Variants in CLASP1 observed in about 807,000 individuals in gnomAD.
CLASP1 encodes CLIP-associating protein 1.
In CLASP1, 38 loss-of-function variants were observed where a neutral mutation model predicts 192.3. The ratio of observed to expected loss-of-function variants is 0.20; its 90% confidence interval spans 0.15 to 0.26. The LOEUF (loss-of-function observed/expected upper bound fraction) is 0.26. CLASP1 is among the 10% of genes least tolerant of loss of function. The pLI, the probability that CLASP1 is intolerant of heterozygous loss-of-function variation, is 1.00. For missense variants in CLASP1, 1,433 were observed against 1,932.5 expected (o/e 0.74, Z 4.85); for synonymous variants, 691 against 712.8 (o/e 0.97, Z 0.49).
chr2:121,460,709 A>G (rs1425777485), intron 11 of CLASP1, among the ~76,000 whole-genome samples: 1 of 152,162 alleles, frequency 6.6e-6, no homozygotes, highest in Non-Finnish European at 1.5e-5. Context: ...TACTTTTAAA[A>G]ATAAAGGAGA....
At chr2:121,480,553 C>T (rs145883179) in intron 8 of CLASP1, among the ~76,000 whole-genome samples, 35 of 152,306 alleles carry the variant, frequency 2.3e-4, no homozygotes, top group Non-Finnish European at 3.5e-4. Flanking sequence ...AGAGCTGTAA[C>T]GTCACAGGCC....
intron 1 of CLASP1, among the ~76,000 whole-genome samples, chr2:121,617,125 C>CA (rs1392389252): frequency 6.6e-6 from 1 of 152,188 alleles, no homozygotes; most frequent in Non-Finnish European, 1.5e-5. Flanking sequence ...GGGGCAGCCC[C>CA]AGCTTTCATT....
intron 24 of CLASP1, among the ~76,000 whole-genome samples, chr2:121,409,796 G>C (rs749729678): frequency 3.3e-5 from 5 of 152,134 alleles, no homozygotes; most frequent in Non-Finnish European, 7.3e-5. Context: ...TAAAGCCATG[G>C]TTAGAGCAGT....
At chr2:121,502,202 A>G (rs541100922) in intron 8 of CLASP1, among the ~76,000 whole-genome samples, 2 of 152,336 alleles carry the variant, frequency 1.3e-5, no homozygotes, top group East Asian at 3.9e-4. Flanking sequence ...TATTTATTCA[A>G]CAATACTTAC....
chr2:121,438,182 T>A (rs1357258912), intron 19 of CLASP1, among the ~76,000 whole-genome samples: 1 of 152,210 alleles, frequency 6.6e-6, no homozygotes, highest in Non-Finnish European at 1.5e-5. Context: ...TACAGAAGTT[T>A]AATGTTTGTT....
intron 9 of CLASP1, among the ~76,000 whole-genome samples, chr2:121,464,480 T>TATTTCTCCAC (rs1474638433): frequency 6.6e-6 from 1 of 152,160 alleles, no homozygotes. Flanking sequence ...AAAGTGTTCC[T>TATTTCTCCAC]ATTTCTCCAC....
chr2:121,638,911 C>T (rs1424345152), intron 1 of CLASP1, among the ~76,000 whole-genome samples: 1 of 152,140 alleles, frequency 6.6e-6, no homozygotes, highest in African/African-American at 2.4e-5. Flanking sequence ...TCAGGTGATC[C>T]ACCCGCCTTG....
chr2:121,472,386 G>A lies in CLASP1; in HGVS notation c.713-2426C>T, dbSNP rs527746380. ...AACTACGTGCAGGCACCGGACAACG[G>A]GCAGTTCAGAACTTGGCTGTTCAGC... On this transcript the variant is annotated intron_variant, in intron 8 of 39. Coordinates refer to ENST00000263710, the Ensembl canonical transcript of CLASP1. Among the ~76,000 whole-genome samples the A allele has an allele frequency of 7.6e-4, 115 of 152,198 alleles. 2 individuals carry two copies. In the East Asian group the frequency reaches 0.021, roughly 27 times the overall value.
chr2:121,605,252 G>C (rs2064284007), intron 2 of CLASP1, among the ~76,000 whole-genome samples: 1 of 151,738 alleles, frequency 6.6e-6, no homozygotes, highest in African/African-American at 2.4e-5. Flanking sequence ...CAGGTACCTG[G>C]GCCAGCTTCA....
intron 1 of CLASP1, among the ~76,000 whole-genome samples, chr2:121,619,879 G>A (rs143256361): frequency 6.6e-6 from 1 of 152,096 alleles, no homozygotes; most frequent in Non-Finnish European, 1.5e-5. Flanking sequence ...GAAGCTTGGT[G>A]ATGGGCATTC....
At position 121,360,425 on chromosome 2, in the gene CLASP1, AATG is replaced by A. The variant is rs567073378; in HGVS notation, c.4206+2744_4206+2746del. On this transcript the variant is annotated intron_variant, in intron 37 of 39. Transcript: ENST00000263710. Reference sequence around the variant, plus strand: ...GTTTGGAGTCATAAGAATTGAATGCAATGATAAGAAAATGGAAGGACTAGAGAA... The same window carrying A: ...GTTTGGAGTCATAAGAATTGAATGCAATAAGAAAATGGAAGGACTAGAGAA... Among the ~76,000 whole-genome samples, 227 of 152,298 alleles carry A rather than the reference AATG, an allele frequency of 1.5e-3. 1 individual carries two copies. Among genetic ancestry groups the A allele is most frequent in the African/African-American group, 4.9e-3 (202 of 41,564 alleles).
In CLASP1 at chr2:121,578,066, G is replaced by A. The variant is rs369251169; in HGVS notation, c.195+27635C>T. Among the ~76,000 whole-genome samples, 85 of 152,110 alleles carry A rather than the reference G, an allele frequency of 5.6e-4. No individual in the cohort carries two copies. The South Asian group carries it at 0.017, about 30-fold the overall frequency. On this transcript the variant is annotated intron_variant, in intron 2 of 39. Coordinates refer to ENST00000263710, the Ensembl canonical transcript of CLASP1. The stretch of plus-strand genomic sequence containing the variant: ...TCCCACCCCAACCTCCTGAGTAACT[G>A]GAGTTATGGGCACCTGCCACCACGT...
intron 19 of CLASP1, among the ~76,000 whole-genome samples, chr2:121,440,253 T>C (rs1456014128): frequency 6.6e-6 from 1 of 152,182 alleles, no homozygotes; most frequent in Non-Finnish European, 1.5e-5. Flanking sequence ...TAAACTCAGA[T>C]ATATATTTAT....
intron 1 of CLASP1, among the ~76,000 whole-genome samples, chr2:121,633,038 T>C (rs1480290861): frequency 8.3e-6 from 1 of 120,644 alleles, no homozygotes; most frequent in Non-Finnish European, 1.6e-5. Flanking sequence ...AGGCTTTTTT[T>C]CATGAATATA....
chr2:121,344,291 A>G (rs924940789), intron 39 of CLASP1, among the ~76,000 whole-genome samples: 1 of 152,136 alleles, frequency 6.6e-6, no homozygotes, highest in South Asian at 2.1e-4. Flanking sequence ...CTCTTCGTAC[A>G]GAAGATATCT....
chr2:121,409,582 C>G (rs2077395943), intron 24 of CLASP1, among the ~76,000 whole-genome samples: 1 of 152,212 alleles, frequency 6.6e-6, no homozygotes, highest in Non-Finnish European at 1.5e-5. Context: ...GAACTTTACA[C>G]ACAGTCCCTT....
At chr2:121,444,511 A>T (rs1369945359) in intron 19 of CLASP1, among the ~76,000 whole-genome samples, 1 of 152,226 alleles carries the variant, frequency 6.6e-6, no homozygotes, top group African/African-American at 2.4e-5. Flanking sequence ...ATTGAAATTT[A>T]CTTTCAAAAC....
Position 121,649,354 on chromosome 2 carries a change from C to T in CLASP1, c.-286+18G>A, listed in dbSNP as rs2073787373. On this transcript the variant is annotated intron_variant, in intron 1 of 39. Transcript: ENST00000263710. Reference sequence around the variant, plus strand: ...GAGGGCTCGGGTCTGACCCTCCGCCCCCTGACCGGGTACTTACAGCCCTGT... The same window carrying T: ...GAGGGCTCGGGTCTGACCCTCCGCCTCCTGACCGGGTACTTACAGCCCTGT... The T allele has an allele frequency of 6.6e-6, 1 of 152,316 alleles. No individual in the cohort carries two copies. The highest frequency in any genetic ancestry group is 2.4e-5 in the African/African-American group (1 of 41,428). The allele number at this position is 152,316 out of a possible 1,614,324, so 9.4% of individuals were successfully genotyped here.
At chr2:121,616,164 G>A (rs551434018) in intron 1 of CLASP1, among the ~76,000 whole-genome samples, 1 of 152,128 alleles carries the variant, frequency 6.6e-6, no homozygotes, top group Non-Finnish European at 1.5e-5. Context: ...AATCTCCCTG[G>A]GGCCAGGTGC....
Sources: gnomAD v4.1 joint callset for allele counts (sites outside exome capture counted in the v4.1 genomes callset) on GRCh38, gnomAD v4.1.1 for gene constraint, MANE v1.5 for transcripts, NCBI Gene and HGNC (gene_info 2026-07-23, HGNC 2026-07-21) for gene names.